The following PKD1L3 variants were observed in gnomAD, a reference collection of about 807,000 sequenced individuals.
PKD1L3 encodes polycystin-1-like protein 3.
In PKD1L3, 239 loss-of-function variants were observed where a neutral mutation model predicts 184.1. The observed-to-expected ratio is 1.30, with a 90% CI of 1.17 to 1.45. The LOEUF (loss-of-function observed/expected upper bound fraction) is 1.45, where lower values mean the gene tolerates loss of function less well. Ranked by LOEUF, PKD1L3 falls within the 40% of genes most tolerant of loss-of-function variation. PKD1L3 has a pLI of 0.00. For missense variants in PKD1L3, 2,660 were observed against 2,067.2 expected (o/e 1.29, Z -5.56); for synonymous variants, 996 against 778.8 (o/e 1.28, Z -4.64).
intron 28 of PKD1L3, chr16:71,930,979 A>G (rs571718913): frequency 6.6e-6 from 1 of 152,214 alleles, no homozygotes; most frequent in African/African-American, 2.4e-5. Flanking sequence ...GATTATTATA[A>G]CAATTTCAGG....
rs1030613431 is a variant in PKD1L3, at chr16:71,990,262, G to T, written c.585+18C>A. On this transcript the variant is annotated intron_variant, in intron 4 of 29. Coordinates refer to ENST00000620267, the MANE Select transcript of PKD1L3 (RefSeq NM_181536.2). ...AGATCAACATTTCACAATGTATGTT[G>T]TCAAGGGAAGCACTTACAAGATGAG... 4 of 1,527,928 alleles carry T rather than the reference G, an allele frequency of 2.6e-6. No homozygotes were observed. The highest frequency in any genetic ancestry group is 1.4e-5 in the African/African-American group (1 of 72,390). The allele number at this position is 1,527,928 out of a possible 1,614,324, so 94.6% of individuals were successfully genotyped here.
At chr16:71,966,712 G>A (rs1261744561) in intron 15 of PKD1L3, among the ~76,000 whole-genome samples, 1 of 152,104 alleles carries the variant, frequency 6.6e-6, no homozygotes, top group Admixed American at 6.5e-5. Context: ...GATTACAGGC[G>A]TGAGCTGCTG....
rs1051293129 is a variant in PKD1L3 at position 71,935,402 on chromosome 16, A to G, written c.4569T>C (p.Ser1523=). 1.3e-6 allele frequency: 2 copies of G among 1,551,710 alleles called. No individual in the cohort carries two copies. The highest frequency in any genetic ancestry group is 1.7e-6 in the Non-Finnish European group (2 of 1,147,006). Residue 1523 remains serine (S), a synonymous_variant, in exon 26 of 30, where the codon TCT becomes TCC. Transcript: ENST00000620267. ...ATCGTGCCATGTTTTTCTTATGTAG[A>G]GAAATACTCTTCATGTCAAGCCCCA... is the stretch of plus-strand genomic sequence containing the variant. ...ILLGLDMKSI[S]LHKKNMARYR...
chr16:71,942,493 G>A, intron 24 of PKD1L3, 67 bp downstream of exon 24: 1 of 1,342,078 alleles, frequency 7.5e-7, no homozygotes, highest in South Asian at 1.4e-5. Context: ...CCACATTCCT[G>A]GTTTTGCACT....
rs1357831294 is a variant in PKD1L3, at chr16:71,933,423, C to T, written c.4923G>A (p.Glu1641=). 8 of 1,539,754 alleles carry T rather than the reference C, an allele frequency of 5.2e-6. No individual in the cohort carries two copies. Among genetic ancestry groups the T allele is most frequent in the Middle Eastern group, 1.7e-4 (1 of 5,984 alleles). The stretch of plus-strand genomic sequence containing the variant: ...GGAAACAAATTATTATTTTTACCTC[C>T]TCTTGGTGAGAAATTCCCATCAGGA... ...VGLLMGISHQ[E]EVFALDPVLG... is the part of the protein sequence containing the mutation. Residue 1641 remains glutamate (E), a synonymous_variant, in exon 28 of 30, where the codon GAG becomes GAA. Transcript: ENST00000620267.
chr16:71,977,320 G>C lies in PKD1L3; in HGVS notation c.1675C>G (p.Leu559Val). The part of the protein sequence containing the change: ...IDPDSPLLMT[L>V]YLGFQYQPNC... The stretch of plus-strand genomic sequence containing the variant: ...GGCTGATACTGGAACCCCAGGTAGA[G>C]TGTCATTAAAAGGGGACTGTCAGGA... Residue 559 changes from leucine (L) to valine (V), a missense_variant, in exon 11 of 30, where the codon CTC becomes GTC. Coordinates refer to ENST00000620267, the MANE Select transcript of PKD1L3 (RefSeq NM_181536.2). The C allele has an allele frequency of 1.3e-6, 2 of 1,545,484 alleles. No homozygotes were observed. The highest frequency in any genetic ancestry group is 1.8e-6 in the Non-Finnish European group (2 of 1,141,350).
chr16:71,996,066 CTT>C (rs1164172015), intron 2 of PKD1L3, among the ~76,000 whole-genome samples: 1 of 151,732 alleles, frequency 6.6e-6, no homozygotes, highest in African/African-American at 2.4e-5. Flanking sequence ...AAAAATGTAA[CTT>C]ATTATTTTGA....
At chr16:71,972,017 C>G (rs2039730782) in intron 12 of PKD1L3, among the ~76,000 whole-genome samples, 1 of 151,666 alleles carries the variant, frequency 6.6e-6, no homozygotes, top group South Asian at 2.1e-4. Flanking sequence ...GAGATCGAGA[C>G]CATCCTGGCT....
chr16:71,949,730 C>T, intron 21 of PKD1L3, 53 bp downstream of exon 21: 1 of 1,472,404 alleles, frequency 6.8e-7, no homozygotes, highest in Non-Finnish European at 9.2e-7. Flanking sequence ...ACCCAGGGAC[C>T]TCAGTTCCCC....
At position 71,947,385 on chromosome 16, in the gene PKD1L3, G is replaced by A. The variant is rs2038657883; in HGVS notation, c.3718+107C>T. The A allele has an allele frequency of 1.1e-5, 8 of 702,974 alleles. No individual in the cohort carries two copies. In the Admixed American group the frequency reaches 1.7e-4, roughly 15 times the overall value. The allele number at this position is 702,974 out of a possible 1,614,324, so 43.5% of individuals were successfully genotyped here. A position where few individuals can be genotyped will look rare whatever the true frequency, so the allele number is the denominator to read the frequency against. On this transcript the variant is annotated intron_variant, in intron 22 of 29. Transcript: ENST00000620267. ...GGCAGAAAAGGAGAAATAACCAGTT[G>A]GTTAGAGACAAGTCCTTTGAATGGG...
In PKD1L3 at chr16:71,986,317, T is replaced by C. The variant is rs1227360316; in HGVS notation, c.738A>G (p.Gln246=). Residue 246 remains glutamine (Q), a synonymous_variant, in exon 5 of 30, where the codon CAA becomes CAG. Transcript: ENST00000620267. Reference sequence around the variant, plus strand: ...GGCTTGAAGTTGTTTCTGCCAGAGATTGCCCAGCATGCGTGACAGACACGG... The same window carrying C: ...GGCTTGAAGTTGTTTCTGCCAGAGACTGCCCAGCATGCGTGACAGACACGG... ...TMPVSVTHAG[Q]SLAETTSSPK... 6.4e-7 allele frequency: 1 copy of C among 1,552,144 alleles called. No individual in the cohort carries two copies.
Position 71,982,114 on chromosome 16 carries a change from T to C in PKD1L3, c.1088A>G (p.Asn363Ser). 1.3e-6 allele frequency: 2 copies of C among 1,551,424 alleles called. No homozygotes were observed. Among genetic ancestry groups the C allele is most frequent in the Non-Finnish European group, 8.7e-7 (1 of 1,146,906 alleles). The change falls in exon 7 of 30, where the codon AAT (asparagine) becomes AGT (serine). Residue 363 changes from asparagine to serine, a missense_variant. Transcript: ENST00000620267. Reference sequence around the variant, plus strand: ...ACTTCCTTCTCCAGCTTTGGTGACATTGTTGAGGGAATGAAAGGGGCAGAC... The same window carrying C: ...ACTTCCTTCTCCAGCTTTGGTGACACTGTTGAGGGAATGAAAGGGGCAGAC... Reference protein sequence around the residue: ...PTVCPFHSLNNVTKAGEGSWL... With the variant: ...PTVCPFHSLNSVTKAGEGSWL...
Position 71,937,358 on chromosome 16 carries a change from G to A in PKD1L3, c.4386C>T (p.Gly1462=), listed in dbSNP as rs895943406. The A allele has an allele frequency of 5.2e-6, 8 of 1,551,558 alleles. No homozygotes were observed. The highest frequency in any genetic ancestry group is 7.0e-6 in the Non-Finnish European group (8 of 1,146,892). The change falls in exon 25 of 30, where the codon GGC becomes GGT. Residue 1462 remains glycine, a synonymous_variant. Coordinates refer to ENST00000620267, the MANE Select transcript of PKD1L3 (RefSeq NM_181536.2). ...CTTGTGAGATGATAGACCAGACACA[G>A]CCCTTCTTTGACATCTGAAGGGAAG... is the stretch of plus-strand genomic sequence containing the variant. The part of the protein sequence containing the change: ...SFTSLQMSKK[G]CVWSIISQVI...
intron 21 of PKD1L3, among the ~76,000 whole-genome samples, chr16:71,947,896 A>G (rs1442535558): frequency 4.7e-5 from 7 of 150,168 alleles, no homozygotes; most frequent in Non-Finnish European, 4.4e-5. Flanking sequence ...TATCTTTGGA[A>G]AACCTCTGAT....
chr16:71,951,260 G>C (rs1281256417), intron 19 of PKD1L3, among the ~76,000 whole-genome samples: 2 of 152,096 alleles, frequency 1.3e-5, no homozygotes, highest in African/African-American at 2.4e-5. Context: ...GGCTGGCCCT[G>C]ATCTCCTGAC....
Position 71,995,100 on chromosome 16 carries a change from G to A in PKD1L3, c.419-1768C>T, listed in dbSNP as rs1038686610. 2.6e-5 allele frequency among the ~76,000 whole-genome samples: 4 copies of A among 152,174 alleles called. No homozygotes were observed. In the East Asian group the frequency reaches 5.8e-4, roughly 22 times the overall value. On this transcript the variant is annotated intron_variant, in intron 2 of 29. Transcript: ENST00000620267. ...AATTTATAAAGAACAGAAATCTAAT[G>A]CTCACAGTTCTGGAGGCTGGACGTC...
intron 23 of PKD1L3, 135 bp from the exon 24 acceptor site, chr16:71,943,159 A>G (rs996453277): frequency 6.3e-6 from 4 of 637,676 alleles, no homozygotes; most frequent in South Asian, 4.1e-5. Flanking sequence ...CATATGGTTC[A>G]ATCTAATAAT....
Position 71,950,033 on chromosome 16 carries a change from T to C in PKD1L3, c.3384-16A>G. On this transcript the variant is annotated splice_polypyrimidine_tract_variant and intron_variant, in intron 20 of 29. Coordinates refer to ENST00000620267, the MANE Select transcript of PKD1L3 (RefSeq NM_181536.2). ...GGTGACTTCCCTGAAGCACAAAAGT[T>C]GAGGGAATAATCTTGTATGCATCGG... is the stretch of plus-strand genomic sequence containing the variant. The C allele has an allele frequency of 6.4e-7, 1 of 1,551,162 alleles. No individual in the cohort carries two copies. The highest frequency in any genetic ancestry group is 8.7e-7 in the Non-Finnish European group (1 of 1,146,722).
At chr16:71,953,292 T>TA (rs968860507) in intron 17 of PKD1L3, among the ~76,000 whole-genome samples, 199 bp from the exon 18 acceptor site, 3 of 152,204 alleles carry the variant, frequency 2.0e-5, no homozygotes, top group African/African-American at 7.2e-5. Context: ...GAAAATTTGT[T>TA]AGAGTATTCT....
Sources: gnomAD v4.1 joint callset for allele counts (sites outside exome capture counted in the v4.1 genomes callset) on GRCh38, gnomAD v4.1.1 for gene constraint, MANE v1.5 for transcripts, NCBI Gene and HGNC (gene_info 2026-07-23, HGNC 2026-07-21) for gene names.